Variants in KHDRBS2 observed in about 807,000 individuals in gnomAD.
KHDRBS2 encodes the protein KH RNA binding domain containing, signal transduction associated 2.
Under a neutral mutation model 44.3 loss-of-function variants are expected in KHDRBS2, and 26 were observed. That is an observed-to-expected ratio of 0.59 (90% CI 0.43 to 0.81). The LOEUF is 0.81. KHDRBS2 is among the 40% of genes least tolerant of loss of function. The pLI is 0.00. For synonymous variants in KHDRBS2, 194 were observed against 151.1 expected (o/e 1.28, Z -2.08); for missense variants, 476 against 433.1 (o/e 1.10, Z -0.88).
At chr6:61,610,441 G>A in the KHDRBS2 span, among the ~76,000 whole-genome samples, 1 of 152,074 alleles carries the variant, frequency 6.6e-6, no homozygotes, top group East Asian at 1.9e-4. Context: ...TAAGGAATTT[G>A]GGAGCCTTTT....
intron 2 of KHDRBS2, among the ~76,000 whole-genome samples, chr6:62,172,504 T>C (rs545004947): frequency 3.3e-5 from 5 of 152,082 alleles, no homozygotes; most frequent in Non-Finnish European, 7.4e-5. Flanking sequence ...AACACACCAC[T>C]GACAGTACTA....
intron 6 of KHDRBS2, among the ~76,000 whole-genome samples, chr6:61,776,002 C>T (rs1468723168): frequency 2.0e-5 from 3 of 152,190 alleles, no homozygotes; most frequent in African/African-American, 7.2e-5. Context: ...CTACAACTAT[C>T]TGATCTTTGA....
chr6:61,996,106 C>G (rs1168354199), intron 3 of KHDRBS2, among the ~76,000 whole-genome samples: 1 of 152,062 alleles, frequency 6.6e-6, no homozygotes, highest in African/African-American at 2.4e-5. Flanking sequence ...AACTGTCCTT[C>G]GAAGACAACT....
rs572231583 is a variant in KHDRBS2, at chr6:61,812,666, T to C, written c.811-79902A>G. ...AGAAAGATTCATAATACATTTCACA[T>C]AGTCAACTTTGGCAATAAAAGGATA... is the stretch of plus-strand genomic sequence containing the variant. On this transcript the variant is annotated intron_variant, in intron 6 of 8. Transcript: ENST00000281156. 1.3e-4 allele frequency among the ~76,000 whole-genome samples: 20 copies of C among 152,208 alleles called. No individual in the cohort carries two copies. The South Asian group carries it at 2.7e-3, about 20-fold the overall frequency.
the KHDRBS2 span, among the ~76,000 whole-genome samples, chr6:61,614,184 G>A: frequency 1.8e-4 from 27 of 152,122 alleles, no homozygotes; most frequent in African/African-American, 6.3e-4. Context: ...TTTGAAGCTA[G>A]TTTGCTGAGG....
At chr6:61,819,098 T>G (rs1451860156) in intron 6 of KHDRBS2, among the ~76,000 whole-genome samples, 3 of 152,012 alleles carry the variant, frequency 2.0e-5, no homozygotes, top group Admixed American at 6.6e-5. Context: ...AATGCTTATT[T>G]TAGCTATAAT....
chr6:61,734,150 T>A (rs1400549870), intron 6 of KHDRBS2, among the ~76,000 whole-genome samples: 1 of 152,164 alleles, frequency 6.6e-6, no homozygotes, highest in African/African-American at 2.4e-5. Context: ...TACCATCATA[T>A]AATGCTATTA....
chr6:61,936,608 G>A (rs536976478), intron 4 of KHDRBS2, among the ~76,000 whole-genome samples: 7 of 151,288 alleles, frequency 4.6e-5, no homozygotes, highest in East Asian at 3.9e-4. Context: ...GGTTTCCTTC[G>A]GGCTTCAGCT....
At chr6:61,776,665 T>C (rs1427220821) in intron 6 of KHDRBS2, among the ~76,000 whole-genome samples, 2 of 152,150 alleles carry the variant, frequency 1.3e-5, no homozygotes, top group Non-Finnish European at 2.9e-5. Flanking sequence ...TGTGAAGAAA[T>C]AGGAACACTT....
At chr6:62,279,923 G>C (rs948537833) in intron 1 of KHDRBS2, among the ~76,000 whole-genome samples, 35 of 152,314 alleles carry the variant, frequency 2.3e-4, no homozygotes, top group African/African-American at 8.4e-4. Context: ...ACCAGGCACT[G>C]TGAAAAGTGC....
chr6:61,976,636 T>C (rs1034996431), intron 4 of KHDRBS2, among the ~76,000 whole-genome samples: 4 of 152,168 alleles, frequency 2.6e-5, no homozygotes, highest in African/African-American at 4.8e-5. Context: ...ATATTCATCA[T>C]AACTGTGATA....
chr6:61,831,021 G>C (rs1583056865), intron 6 of KHDRBS2, among the ~76,000 whole-genome samples: 1 of 152,116 alleles, frequency 6.6e-6, no homozygotes, highest in African/African-American at 2.4e-5. Context: ...CCGAAAATTT[G>C]AGAGAAACTG....
chr6:62,016,374 G>T (rs1266443600), intron 3 of KHDRBS2, among the ~76,000 whole-genome samples: 4 of 151,666 alleles, frequency 2.6e-5, no homozygotes, highest in Non-Finnish European at 4.4e-5. Context: ...GTATATAAAT[G>T]ACTATACAAT....
chr6:62,061,119 C>T (rs1791733037), intron 2 of KHDRBS2, among the ~76,000 whole-genome samples: 1 of 151,844 alleles, frequency 6.6e-6, no homozygotes, highest in Non-Finnish European at 1.5e-5. Flanking sequence ...GGTCTTGACT[C>T]TTTATCCAAT....
chr6:61,794,703 C>G (rs930534472), intron 6 of KHDRBS2, among the ~76,000 whole-genome samples: 9 of 152,074 alleles, frequency 5.9e-5, no homozygotes, highest in Middle Eastern at 3.2e-3. Context: ...CCATACAGTA[C>G]CAACCAAAGT....
At chr6:62,065,063 C>T (rs1325342997) in intron 2 of KHDRBS2, among the ~76,000 whole-genome samples, 1 of 152,146 alleles carries the variant, frequency 6.6e-6, no homozygotes, top group Non-Finnish European at 1.5e-5. Context: ...CAGAGAAACG[C>T]AAATCAAAAC....
chr6:61,934,113 G>A (rs1810597026), intron 4 of KHDRBS2, among the ~76,000 whole-genome samples: 1 of 151,586 alleles, frequency 6.6e-6, no homozygotes, highest in Non-Finnish European at 1.5e-5. Context: ...TGTCTGTTCA[G>A]GTCTTTTGCC....
At chr6:61,661,558 T>G in the KHDRBS2 span, among the ~76,000 whole-genome samples, 1 of 151,946 alleles carries the variant, frequency 6.6e-6, no homozygotes, top group Non-Finnish European at 1.5e-5. Flanking sequence ...ATATTATGTG[T>G]TTTAGAAAAA....
intron 3 of KHDRBS2, among the ~76,000 whole-genome samples, chr6:62,034,827 A>AT (rs1418197711): frequency 2.0e-5 from 3 of 151,946 alleles, no homozygotes; most frequent in African/African-American, 7.2e-5. Context: ...TGTCCAAAAG[A>AT]TCAGAATATG....
Sources: allele counts gnomAD v4.1 joint callset (sites outside exome capture counted in the v4.1 genomes callset), GRCh38; gene constraint gnomAD v4.1.1; transcripts MANE v1.5; gene names NCBI Gene and HGNC (gene_info 2026-07-23, HGNC 2026-07-21).